Variants in PPARGC1B observed in about 807,000 individuals in gnomAD.
PPARGC1B encodes peroxisome proliferator-activated receptor gamma coactivator 1-beta.
Under a neutral mutation model 101.6 loss-of-function variants are expected in PPARGC1B, and 34 were observed. That is an observed-to-expected ratio of 0.33 (90% confidence interval 0.25 to 0.45). PPARGC1B has a LOEUF of 0.45. Among genes scored for constraint, PPARGC1B ranks in the 20% least tolerant of loss-of-function variants. The probability of loss-of-function intolerance (pLI) is 1.00; values close to 1 mark genes in which losing one functional copy is unlikely to be tolerated. For missense variants in PPARGC1B, 1,234 were observed against 1,317.6 expected (o/e 0.94, Z 0.98); for synonymous variants, 548 against 539.3 (o/e 1.02, Z -0.22).
At chr5:149,791,569 G>A (rs999648871) in intron 1 of PPARGC1B, among the ~76,000 whole-genome samples, 2 of 152,156 alleles carry the variant, frequency 1.3e-5, no homozygotes, top group Non-Finnish European at 2.9e-5. Flanking sequence ...GGAAGAGTGT[G>A]TGTGATGTTG....
chr5:149,792,524 TG>T, intron 1 of PPARGC1B, among the ~76,000 whole-genome samples: 1 of 152,310 alleles, frequency 6.6e-6, no homozygotes, highest in Non-Finnish European at 1.5e-5. Flanking sequence ...ATTTAAGGAA[TG>T]TGATTTTAGA....
At chr5:149,788,383 C>G (rs1303435655) in intron 1 of PPARGC1B, among the ~76,000 whole-genome samples, 6 of 152,186 alleles carry the variant, frequency 3.9e-5, no homozygotes, top group Non-Finnish European at 7.3e-5. Flanking sequence ...GAGATACTGT[C>G]TCACACCAGT....
rs780417101 is a variant in PPARGC1B, at chr5:149,833,499, G to A, written c.1426G>A (p.Val476Met). Residue 476 changes from valine to methionine, a missense_variant, in exon 5 of 12, where the codon GTG (valine) becomes ATG (methionine). Val to Met is a conservative substitution (Grantham distance 21, BLOSUM62 1). Around this residue, in one of 3 missense-constraint regions of PPARGC1B, gnomAD observed 734 missense variants for 768.4 expected, o/e 0.96. Transcript: ENST00000309241. The surrounding 1 kb of genome is among the most constrained non-coding windows in gnomAD (Gnocchi z 4.1). Reference sequence around the variant, plus strand: ...GAAGCTGGAGAGCTCTGTGTGCCCCGTGCGGCGTTCTCGGAGACTGAACCC... The same window carrying A: ...GAAGCTGGAGAGCTCTGTGTGCCCCATGCGGCGTTCTCGGAGACTGAACCC... ...GRKLESSVCPVRRSRRLNPEL... is the reference protein window; with the variant it reads ...GRKLESSVCPMRRSRRLNPEL... 19 of 1,565,198 alleles carry A rather than the reference G, an allele frequency of 1.2e-5. No individual in the cohort carries two copies. Among genetic ancestry groups the A allele is most frequent in the Admixed American group, 1.9e-5 (1 of 52,342 alleles).
At chr5:149,831,261 C>G (rs1480954572) in intron 4 of PPARGC1B, among the ~76,000 whole-genome samples, 4 of 152,162 alleles carry the variant, frequency 2.6e-5, no homozygotes, top group African/African-American at 9.7e-5. Context: ...CCTCAGGGAG[C>G]CCATTGGAGG....
chr5:149,731,552 T>C (rs1294411453), intron 1 of PPARGC1B, among the ~76,000 whole-genome samples: 1 of 149,828 alleles, frequency 6.7e-6, no homozygotes, highest in Non-Finnish European at 1.5e-5. Flanking sequence ...GCTGGTTTGG[T>C]ACCTGGAGTG....
At chr5:149,741,402 G>A (rs370944866) in intron 1 of PPARGC1B, among the ~76,000 whole-genome samples, 1 of 152,180 alleles carries the variant, frequency 6.6e-6, no homozygotes, top group Non-Finnish European at 1.5e-5. Context: ...TGGATCCTTG[G>A]CACTGAGGGC....
At chr5:149,838,784 C>T (rs143011047) in intron 8 of PPARGC1B, among the ~76,000 whole-genome samples, 2 of 152,330 alleles carry the variant, frequency 1.3e-5, no homozygotes, top group Non-Finnish European at 2.9e-5. Flanking sequence ...AACCTGGCTC[C>T]TGCTCAGCTA....
At chr5:149,752,468 T>C (rs991345784) in intron 1 of PPARGC1B, among the ~76,000 whole-genome samples, 20 of 152,206 alleles carry the variant, frequency 1.3e-4, no homozygotes, top group Non-Finnish European at 2.8e-4. Context: ...TGTGGTTCAA[T>C]GTGAAAGAGA....
intron 1 of PPARGC1B, among the ~76,000 whole-genome samples, chr5:149,818,496 C>T (rs117616461): frequency 5.7e-4 from 87 of 152,252 alleles, no homozygotes; most frequent in East Asian, 2.7e-3. Context: ...GGCCTGTTGC[C>T]GCCTGTGTAG....
intron 1 of PPARGC1B, among the ~76,000 whole-genome samples, chr5:149,794,506 G>A (rs897419674): frequency 2.1e-5 from 3 of 139,784 alleles, no homozygotes; most frequent in Non-Finnish European, 3.1e-5. Context: ...ACATGCATAC[G>A]CTCATGTATG....
At chr5:149,801,252 T>C (rs901168551) in intron 1 of PPARGC1B, among the ~76,000 whole-genome samples, 1 of 152,182 alleles carries the variant, frequency 6.6e-6, no homozygotes, top group African/African-American at 2.4e-5. Flanking sequence ...TAATAAATGC[T>C]TAATTTCCCA....
intron 1 of PPARGC1B, among the ~76,000 whole-genome samples, chr5:149,738,383 T>A (rs1043202644): frequency 6.6e-6 from 1 of 152,210 alleles, no homozygotes; most frequent in Non-Finnish European, 1.5e-5. Flanking sequence ...ATTTAATCAA[T>A]CCTCATTGAG....
intron 1 of PPARGC1B, chr5:149,771,961 A>C: frequency 7.5e-7 from 1 of 1,334,338 alleles, no homozygotes; most frequent in Middle Eastern, 2.7e-4. Context: ...TTAATCCTCA[A>C]GCAACTCTGA....
chr5:149,730,384 C>G lies in PPARGC1B; in HGVS notation c.42C>G (p.Leu14=). 1 of 1,575,152 alleles carries G rather than the reference C, an allele frequency of 6.3e-7. No homozygotes were observed. Among genetic ancestry groups the G allele is most frequent in the Non-Finnish European group, 8.6e-7 (1 of 1,163,288 alleles). The change falls in exon 1 of 12, where the codon CTC becomes CTG. Residue 14 remains leucine, a synonymous_variant. Coordinates refer to ENST00000309241, the MANE Select transcript of PPARGC1B (RefSeq NM_133263.4). The surrounding 1 kb of genome is among the most constrained non-coding windows in gnomAD (Gnocchi z 4.0). Reference sequence around the variant, plus strand: ...GCGGCGCGCTGCTGGACGAAGAGCTCTCCTCCTTCTTCCTCAACTATCTCG... The same window carrying G: ...GCGGCGCGCTGCTGGACGAAGAGCTGTCCTCCTTCTTCCTCAACTATCTCG... ...NDCGALLDEE[L]SSFFLNYLAD...
At chr5:149,778,821 A>T (rs1349518853) in intron 1 of PPARGC1B, among the ~76,000 whole-genome samples, 1 of 152,178 alleles carries the variant, frequency 6.6e-6, no homozygotes, top group African/African-American at 2.4e-5. Flanking sequence ...ATTGTTTGAA[A>T]AAAGGAAAGT....
intron 1 of PPARGC1B, among the ~76,000 whole-genome samples, chr5:149,800,063 AAAG>A (rs144811545): frequency 0.11 from 16,872 of 152,148 alleles, 1,255 homozygotes; most frequent in Admixed American, 0.23. Context: ...TTCAAAGAGT[AAAG>A]AAGGACATAA....
intron 1 of PPARGC1B, among the ~76,000 whole-genome samples, chr5:149,739,114 A>C (rs1034599552): frequency 6.6e-6 from 1 of 152,234 alleles, no homozygotes; most frequent in Non-Finnish European, 1.5e-5. Context: ...TTTGTATTTT[A>C]AACATTTGAC....
intron 8 of PPARGC1B, 48 bp from the exon 9 acceptor site, chr5:149,839,993 T>C (rs2113430593): frequency 1.3e-6 from 2 of 1,513,614 alleles, no homozygotes; most frequent in Middle Eastern, 3.4e-4. Context: ...CCCACCCCCA[T>C]GGTATCTCCC....
At chr5:149,821,680 G>A (rs1419289136) in intron 2 of PPARGC1B, among the ~76,000 whole-genome samples, 1 of 152,208 alleles carries the variant, frequency 6.6e-6, no homozygotes, top group African/African-American at 2.4e-5. Flanking sequence ...CCTCCTCATG[G>A]ATTTTATCAT....
Sources: allele counts gnomAD v4.1 joint callset (sites outside exome capture counted in the v4.1 genomes callset), GRCh38; gene constraint gnomAD v4.1.1; regional missense constraint gnomAD v4.1.1; non-coding constraint Gnocchi (gnomAD v3.1); transcripts MANE v1.5; gene names NCBI Gene and HGNC (gene_info 2026-07-23, HGNC 2026-07-21).